The following PGM2L1 variants were observed in gnomAD, a reference collection of about 807,000 sequenced individuals.
The protein encoded by PGM2L1 is glucose 1,6-bisphosphate synthase.
Under a neutral mutation model 73.4 loss-of-function variants are expected in PGM2L1, and 35 were observed. The observed-to-expected ratio is 0.48, with a 90% CI of 0.36 to 0.63. The LOEUF (loss-of-function observed/expected upper bound fraction) is 0.63, where lower values mean the gene tolerates loss of function less well. PGM2L1 is among the 30% of genes least tolerant of loss of function. PGM2L1 has a pLI of 0.00. For synonymous variants in PGM2L1, 225 were observed against 253.8 expected (o/e 0.89, Z 1.08); for missense variants, 570 against 742.0 (o/e 0.77, Z 2.69).
At position 74,342,512 on chromosome 11, in the gene PGM2L1, A is replaced by G. The variant is rs142735059; in HGVS notation, c.1581T>C (p.His527=). 2.1e-5 allele frequency: 33 copies of G among 1,608,102 alleles called. No individual in the cohort carries two copies. The highest frequency in any genetic ancestry group is 1.7e-4 in the Middle Eastern group (1 of 6,060). Residue 527 remains histidine (H), a synonymous_variant, in exon 12 of 14, where the codon CAT becomes CAC. Transcript: ENST00000298198. The part of the protein sequence containing the change: ...PKFCGTFAIL[H]VRDVTTGYDS... The stretch of plus-strand genomic sequence containing the variant: ...CATATCCAGTGGTAACGTCCCGTAC[A>G]TGCAATATAGCAAATGTTCCACAAA...
At position 74,355,296 on chromosome 11, in the gene PGM2L1, G is replaced by A. The variant is rs912442307; in HGVS notation, c.556-3720C>T. ...CAGCCAGGCGTGGTGGCTCACACCTGTAATCCCAGCACTTTGGGAGGCTGA... is the reference window on the plus strand; with the variant it reads ...CAGCCAGGCGTGGTGGCTCACACCTATAATCCCAGCACTTTGGGAGGCTGA... On this transcript the variant is annotated intron_variant, in intron 5 of 13. Coordinates refer to ENST00000298198, the MANE Select transcript of PGM2L1 (RefSeq NM_173582.6). 64 of 827,752 alleles carry A rather than the reference G, an allele frequency of 7.7e-5. No individual in the cohort carries two copies. In the African/African-American group the frequency reaches 9.8e-4, roughly 13 times the overall value. 51.3% of individuals were successfully genotyped at this position (827,752 alleles called of 1,614,324 possible). A position where few individuals can be genotyped will look rare whatever the true frequency, so the allele number is the denominator to read the frequency against.
intron 1 of PGM2L1, among the ~76,000 whole-genome samples, chr11:74,392,545 G>GTT (rs34084102): frequency 6.2e-5 from 9 of 144,964 alleles, no homozygotes; most frequent in Admixed American, 6.9e-5. Flanking sequence ...CAATAAAATA[G>GTT]TTTTTTTTTT....
In PGM2L1 at chr11:74,354,407, A is replaced by G; in HGVS notation, c.556-2831T>C. The G allele has an allele frequency of 7.9e-6, 5 of 634,046 alleles. 1 individual carries two copies. The highest frequency in any genetic ancestry group is 6.1e-5 in the South Asian group (3 of 49,584). 39.3% of individuals were successfully genotyped at this position (634,046 alleles called of 1,614,324 possible). On this transcript the variant is annotated intron_variant, in intron 5 of 13. Coordinates refer to ENST00000298198, the MANE Select transcript of PGM2L1 (RefSeq NM_173582.6). ...TGCTTTCTGCCCGTGGATGCTGCTG[A>G]GGAAGCATCATTAAAGTCTCCTTCC...
At chr11:74,380,782 T>C (rs941361990) in intron 1 of PGM2L1, among the ~76,000 whole-genome samples, 4 of 152,202 alleles carry the variant, frequency 2.6e-5, no homozygotes, top group African/African-American at 9.7e-5. Context: ...AAAATATTTC[T>C]CATATAAGGT....
intron 7 of PGM2L1, 64 bp downstream of exon 7, chr11:74,347,084 A>G: frequency 7.9e-7 from 1 of 1,270,710 alleles, no homozygotes; most frequent in Non-Finnish European, 1.1e-6. Context: ...TTGAATTGTC[A>G]ATGAGTTCTA....
chr11:74,386,867 C>G (rs922084326), intron 1 of PGM2L1, among the ~76,000 whole-genome samples: 2 of 152,092 alleles, frequency 1.3e-5, no homozygotes, highest in African/African-American at 4.8e-5. Flanking sequence ...CTAGATATGC[C>G]TTGGTTACTT....
At chr11:74,350,944 ACTAACT>A (rs1399637237) in intron 6 of PGM2L1, among the ~76,000 whole-genome samples, 2 of 152,034 alleles carry the variant, frequency 1.3e-5, no homozygotes, top group African/African-American at 4.8e-5. Context: ...AGAGAAAGAA[ACTAACT>A]CTATAACCTA....
At chr11:74,381,192 T>TA (rs1330037968) in intron 1 of PGM2L1, among the ~76,000 whole-genome samples, 3 of 152,284 alleles carry the variant, frequency 2.0e-5, no homozygotes, top group Admixed American at 6.5e-5. Flanking sequence ...TCCTCACCTG[T>TA]AAAAAACAGG....
At chr11:74,358,031 A>C (rs544289560) in intron 5 of PGM2L1, among the ~76,000 whole-genome samples, 7 of 152,358 alleles carry the variant, frequency 4.6e-5, no homozygotes, top group African/African-American at 1.4e-4. Flanking sequence ...ATGGATGAAT[A>C]GGCAGAACAC....
At chr11:74,377,316 G>A (rs1411706440) in intron 1 of PGM2L1, among the ~76,000 whole-genome samples, 1 of 151,964 alleles carries the variant, frequency 6.6e-6, no homozygotes, top group Admixed American at 6.6e-5. Flanking sequence ...TGTACTTTTA[G>A]TAGAGACGAG....
rs150018752 is a variant in PGM2L1, at chr11:74,344,506, G to A, written c.1218+963C>T. On this transcript the variant is annotated intron_variant, in intron 9 of 13. Coordinates refer to ENST00000298198, the MANE Select transcript of PGM2L1 (RefSeq NM_173582.6). The stretch of plus-strand genomic sequence containing the variant: ...GAAAGAGTTTCAGAGTCAACAGAAA[G>A]AGTATGTGATACACCCTAATACTAA... 2.0e-5 allele frequency among the ~76,000 whole-genome samples: 3 copies of A among 152,160 alleles called. No homozygotes were observed. In the East Asian group the frequency reaches 5.8e-4, roughly 29 times the overall value.
chr11:74,387,705 T>C (rs763250183), intron 1 of PGM2L1, among the ~76,000 whole-genome samples: 1 of 152,220 alleles, frequency 6.6e-6, no homozygotes, highest in Non-Finnish European at 1.5e-5. Context: ...CAAAAAATCT[T>C]CCTGACTTTG....
At position 74,368,476 on chromosome 11, in the gene PGM2L1, G is replaced by A. The variant is rs1012828495; in HGVS notation, c.555+16C>T. On this transcript the variant is annotated intron_variant, in intron 5 of 13. Transcript: ENST00000298198. ...TGAACTATAAGATAAGCAAAGGTCA[G>A]GAGTCCAAGGTTTACCTTGTATCCA... is the stretch of plus-strand genomic sequence containing the variant. The A allele has an allele frequency of 1.4e-5, 22 of 1,591,082 alleles. No homozygotes were observed. Among genetic ancestry groups the A allele is most frequent in the African/African-American group, 4.0e-5 (3 of 74,358 alleles).
chr11:74,354,387 T>C lies in PGM2L1; in HGVS notation c.556-2811A>G, dbSNP rs1402171272. 3.4e-5 allele frequency: 20 copies of C among 581,396 alleles called. No individual in the cohort carries two copies. The South Asian group carries it at 5.1e-4, about 15-fold the overall frequency. 36.0% of individuals were successfully genotyped at this position (581,396 alleles called of 1,614,324 possible). A position where few individuals can be genotyped will look rare whatever the true frequency, so the allele number is the denominator to read the frequency against. ...AAACGTTTAGGTCAGCTTACTGCTT[T>C]CTGCCCGTGGATGCTGCTGAGGAAG... On this transcript the variant is annotated intron_variant, in intron 5 of 13. Coordinates refer to ENST00000298198, the MANE Select transcript of PGM2L1 (RefSeq NM_173582.6).
intron 5 of PGM2L1, among the ~76,000 whole-genome samples, chr11:74,366,185 G>A (rs1862653409): frequency 6.6e-6 from 1 of 151,696 alleles, no homozygotes; most frequent in African/African-American, 2.4e-5. Context: ...ACACAGGAAG[G>A]GGAACATCAC....
At position 74,381,901 on chromosome 11, in the gene PGM2L1, TC is replaced by T. The variant is rs375797201; in HGVS notation, c.112-7320del. 1.2e-3 allele frequency among the ~76,000 whole-genome samples: 179 copies of T among 151,168 alleles called. 3 individuals carry two copies. The East Asian group carries it at 0.031, about 26-fold the overall frequency. ...TATACCCAGCACGCTAACCATTGCT[TC>T]CCCCCCACCCCCACCAATGGTAACC... On this transcript the variant is annotated intron_variant, in intron 1 of 13. Transcript: ENST00000298198.
At chr11:74,397,526 C>G (rs35499749) in intron 1 of PGM2L1, 113,989 of 152,160 alleles carry the variant, frequency 0.75, 43,326 homozygotes, top group Non-Finnish European at 0.82. Flanking sequence ...CCTTTCCCAA[C>G]AGCAAAAGGT....
chr11:74,340,748 A>G (rs1862169968), intron 12 of PGM2L1, among the ~76,000 whole-genome samples: 2 of 152,244 alleles, frequency 1.3e-5, no homozygotes, highest in African/African-American at 2.4e-5. Flanking sequence ...GACATAAAAC[A>G]GTAATAGGAG....
chr11:74,355,730 T>C (rs113956032), intron 5 of PGM2L1: 8,715 of 505,324 alleles, frequency 0.017, 176 homozygotes, highest in African/African-American at 0.067. Flanking sequence ...TTTTAATTAC[T>C]GCCAGGAAAC....
Sources: allele counts gnomAD v4.1 joint callset (sites outside exome capture counted in the v4.1 genomes callset), GRCh38; gene constraint gnomAD v4.1.1; transcripts MANE v1.5; gene names NCBI Gene and HGNC (gene_info 2026-07-23, HGNC 2026-07-21).